Variants in DCHS2 observed in about 807,000 individuals in gnomAD.
The protein encoded by DCHS2 is protocadherin-23.
A neutral mutation model predicts 182.4 loss-of-function variants in DCHS2; 142 were observed. The observed-to-expected ratio is 0.78, with a 90% confidence interval of 0.68 to 0.89. DCHS2 has a LOEUF of 0.89. DCHS2 is among the 40% of genes least tolerant of loss of function. The pLI is 0.00. For missense variants in DCHS2, 4,319 were observed against 4,198.6 expected, an observed-to-expected ratio of 1.03 and a Z score of -0.79; for synonymous variants, 1,740 against 1,663.3, an observed-to-expected ratio of 1.05 and a Z score of -1.12.
chr4:154,410,314 T>G (rs1243045603), intron 1 of DCHS2, among the ~76,000 whole-genome samples: 2 of 151,154 alleles, frequency 1.3e-5, no homozygotes, highest in African/African-American at 2.4e-5. Context: ...AGCAAAGAGA[T>G]GGATATCATA....
At position 154,491,762 on chromosome 4, in the gene DCHS2, G is replaced by A. The variant is rs13150522; in HGVS notation, c.-407C>T. 2.0e-6 allele frequency: 2 copies of A among 1,000,692 alleles called. No homozygotes were observed. The highest frequency in any genetic ancestry group is 2.4e-6 in the Non-Finnish European group (2 of 840,636). 62.0% of individuals were successfully genotyped at this position (1,000,692 alleles called of 1,614,324 possible). ...GATTATATGAAGCGCGCACACACAA[G>A]GAGAGGATGGGGATCTGGCCGGAGT... On this transcript the variant is annotated 5_prime_UTR_variant, in exon 1 of 20. Coordinates refer to ENST00000357232, the MANE Select transcript of DCHS2 (RefSeq NM_001358235.2).
At chr4:154,296,581 G>A (rs897155875) in intron 13 of DCHS2, among the ~76,000 whole-genome samples, 1 of 152,184 alleles carries the variant, frequency 6.6e-6, no homozygotes. Flanking sequence ...GTTAATAGAT[G>A]AATGCAATGT....
In DCHS2 at chr4:154,234,748, C is replaced by G; in HGVS notation, c.9904G>C (p.Gly3302Arg). ...VPPRMPAVNLGQVPPKHPRSP... is the reference protein window; with the variant it reads ...VPPRMPAVNLRQVPPKHPRSP... ...CGTGGGTGTTTCGGAGGCACCTGCC[C>G]CAGGTTTACTGCCGGCATTCTTGGT... Residue 3302 changes from glycine to arginine, a missense_variant, in exon 20 of 20, where the codon GGG becomes CGG. Transcript: ENST00000357232. The G allele has an allele frequency of 6.2e-7, 1 of 1,613,786 alleles. No individual in the cohort carries two copies. The highest frequency in any genetic ancestry group is 8.5e-7 in the Non-Finnish European group (1 of 1,179,880).
At position 154,234,265 on chromosome 4, in the gene DCHS2, T is replaced by C. The variant is rs1168238372; in HGVS notation, c.*271A>G. On this transcript the variant is annotated 3_prime_UTR_variant, in exon 20 of 20. Transcript: ENST00000357232. ...ACTGTGTCCTTTGGAAGTCTAATCATACAGACAACAGGTCTGACAGAATAT... is the reference window on the plus strand; with the variant it reads ...ACTGTGTCCTTTGGAAGTCTAATCACACAGACAACAGGTCTGACAGAATAT... The C allele has an allele frequency of 3.2e-6, 1 of 313,722 alleles. No homozygotes were observed. The highest frequency in any genetic ancestry group is 5.7e-6 in the Non-Finnish European group (1 of 174,650). 19.4% of individuals were successfully genotyped at this position (313,722 alleles called of 1,614,324 possible).
chr4:154,424,112 A>C, intron 1 of DCHS2, among the ~76,000 whole-genome samples: 1 of 152,214 alleles, frequency 6.6e-6, no homozygotes. Flanking sequence ...AGACATAACA[A>C]GGTTTCATTG....
At chr4:154,248,430 GCTT>G (rs1405925016) in intron 16 of DCHS2, among the ~76,000 whole-genome samples, 1 of 152,136 alleles carries the variant, frequency 6.6e-6, no homozygotes, top group Non-Finnish European at 1.5e-5. Context: ...AATAGTGTCT[GCTT>G]CTGGAGGGCT....
intron 19 of DCHS2, chr4:154,237,388 G>C: frequency 1.8e-6 from 1 of 561,944 alleles, no homozygotes; most frequent in Non-Finnish European, 2.6e-6. Flanking sequence ...TGAAATATGT[G>C]TGCTGCTTGA....
At chr4:154,402,795 C>T (rs1035875621) in intron 1 of DCHS2, among the ~76,000 whole-genome samples, 1 of 152,184 alleles carries the variant, frequency 6.6e-6, no homozygotes, top group African/African-American at 2.4e-5. Context: ...CACAGCCAAA[C>T]ATATACACTA....
intron 1 of DCHS2, among the ~76,000 whole-genome samples, chr4:154,405,788 C>A (rs1732375993): frequency 1.3e-5 from 2 of 152,156 alleles, no homozygotes; most frequent in Admixed American, 1.3e-4. Flanking sequence ...ACCTTTGTGT[C>A]AACTTGGGTT....
chr4:154,301,458 G>A (rs543336087), intron 12 of DCHS2, among the ~76,000 whole-genome samples: 1 of 152,076 alleles, frequency 6.6e-6, no homozygotes, highest in Non-Finnish European at 1.5e-5. Flanking sequence ...AACAGACTTG[G>A]CACTGTGCTT....
intron 2 of DCHS2, among the ~76,000 whole-genome samples, chr4:154,367,954 C>G (rs1730465333): frequency 1.3e-5 from 2 of 149,308 alleles, no homozygotes; most frequent in African/African-American, 4.9e-5. Context: ...CCCTTGTACT[C>G]CAGGCTTTGA....
rs1178500698 is a variant in DCHS2, at chr4:154,262,828, CTAAT to C, written c.6578-3076_6578-3073del. On this transcript the variant is annotated intron_variant, in intron 14 of 19. Transcript: ENST00000357232. ...TTGATCAGTTTTGTTTTGCGCCACT[CTAAT>C]AAATACTAAAATGAATGCTGCCATC... is the stretch of plus-strand genomic sequence containing the variant. 2.2e-4 allele frequency among the ~76,000 whole-genome samples: 33 copies of C among 152,328 alleles called. No individual in the cohort carries two copies. In the South Asian group the frequency reaches 3.3e-3, roughly 15 times the overall value.
At chr4:154,328,652 T>C (rs1736390711) in intron 6 of DCHS2, among the ~76,000 whole-genome samples, 1 of 152,206 alleles carries the variant, frequency 6.6e-6, no homozygotes, top group Non-Finnish European at 1.5e-5. Context: ...AATGTTGAAA[T>C]GCACATGTGA....
chr4:154,277,679 G>A (rs914316575), intron 13 of DCHS2, among the ~76,000 whole-genome samples: 1 of 149,774 alleles, frequency 6.7e-6, no homozygotes, highest in South Asian at 2.1e-4. Context: ...ACAAAAAATG[G>A]CTGAATCAAT....
intron 10 of DCHS2, among the ~76,000 whole-genome samples, chr4:154,310,992 A>C (rs1735650677): frequency 1.3e-5 from 2 of 152,218 alleles, no homozygotes; most frequent in Non-Finnish European, 2.9e-5. Context: ...TCAGAGTTGC[A>C]CAAAGGAGAC....
Position 154,322,370 on chromosome 4 carries a change from T to C in DCHS2, c.4137A>G (p.Gly1379=), listed in dbSNP as rs371802850. The change falls in exon 8 of 20, where the codon GGA becomes GGG. Residue 1379 remains glycine, a synonymous_variant. Coordinates refer to ENST00000357232, the MANE Select transcript of DCHS2 (RefSeq NM_001358235.2). The part of the protein sequence containing the change: ...YRMSVIATDQ[G]VPPLQGQAVV... Reference sequence around the variant, plus strand: ...CTGCCTGTCCTTGAAGAGGAGGCACTCCCTGGTCAGTGGCAATGACACTCA... The same window carrying C: ...CTGCCTGTCCTTGAAGAGGAGGCACCCCCTGGTCAGTGGCAATGACACTCA... 14 of 1,613,698 alleles carry C rather than the reference T, an allele frequency of 8.7e-6. No homozygotes were observed. In the African/African-American group the frequency reaches 1.7e-4, roughly 20 times the overall value.
Position 154,235,276 on chromosome 4 carries a change from G to C in DCHS2, c.9376C>G (p.His3126Asp). Residue 3126 changes from histidine (H) to aspartate (D), a missense_variant, in exon 20 of 20, where the codon CAC (histidine) becomes GAC (aspartate). His to Asp is a moderately conservative substitution (Grantham distance 81). Transcript: ENST00000357232. ...CCCGAGTCTGGCACCCTGGACTCGTGGTCACTCAGAGCTGAGTCTGAGCAC... is the reference window on the plus strand; with the variant it reads ...CCCGAGTCTGGCACCCTGGACTCGTCGTCACTCAGAGCTGAGTCTGAGCAC... Reference protein sequence around the residue: ...RKCSDSALSDHESRVPDSGIP... With the variant: ...RKCSDSALSDDESRVPDSGIP... The C allele has an allele frequency of 1.2e-6, 2 of 1,614,030 alleles. No homozygotes were observed. The highest frequency in any genetic ancestry group is 8.5e-7 in the Non-Finnish European group (1 of 1,179,962).
At position 154,491,637 on chromosome 4, in the gene DCHS2, C is replaced by T. The variant is rs1478205332; in HGVS notation, c.-282G>A. On this transcript the variant is annotated 5_prime_UTR_variant, in exon 1 of 20. Coordinates refer to ENST00000357232, the MANE Select transcript of DCHS2 (RefSeq NM_001358235.2). ...TTAAACGAATCTCATCTCTTTTTCT[C>T]TCTCCTTTTATTCCCTTTACATCTG... The T allele has an allele frequency of 1.5e-6, 2 of 1,306,714 alleles. No individual in the cohort carries two copies. The highest frequency in any genetic ancestry group is 1.9e-6 in the Non-Finnish European group (2 of 1,032,968). 80.9% of individuals were successfully genotyped at this position (1,306,714 alleles called of 1,614,324 possible).
At chr4:154,441,906 T>C (rs1197446217) in intron 1 of DCHS2, among the ~76,000 whole-genome samples, 1 of 152,078 alleles carries the variant, frequency 6.6e-6, no homozygotes, top group Non-Finnish European at 1.5e-5. Context: ...ATCCAGGTAA[T>C]ATTCTGGTGA....
Sources: gnomAD v4.1 joint callset for allele counts (sites outside exome capture counted in the v4.1 genomes callset) on GRCh38, gnomAD v4.1.1 for gene constraint, MANE v1.5 for transcripts, NCBI Gene and HGNC (gene_info 2026-07-23, HGNC 2026-07-21) for gene names.